ITGAV: variants seen among roughly 807,000 people sequenced by gnomAD.
ITGAV encodes integrin alpha-V.
In ITGAV, 76 loss-of-function variants were observed where a neutral mutation model predicts 143.8. That is an observed-to-expected ratio of 0.53 (90% CI 0.44 to 0.64). ITGAV has a LOEUF of 0.64. ITGAV is among the 30% of genes least tolerant of loss of function. The probability of loss-of-function intolerance (pLI) is 0.00; values close to 1 mark genes in which losing one functional copy is unlikely to be tolerated. For missense variants in ITGAV, 1,193 were observed against 1,274.7 expected, an observed-to-expected ratio of 0.94 and a Z score of 0.98; for synonymous variants, 453 against 446.7, an observed-to-expected ratio of 1.01 and a Z score of -0.18.
intron 1 of ITGAV, among the ~76,000 whole-genome samples, chr2:186,591,938 C>G (rs1686626595): frequency 6.6e-6 from 1 of 152,112 alleles, no homozygotes; most frequent in Non-Finnish European, 1.5e-5. Context: ...TCATTTTAGT[C>G]AGCATTATCT....
At chr2:186,628,494 C>A (rs779323343) in intron 4 of ITGAV, among the ~76,000 whole-genome samples, 1 of 151,962 alleles carries the variant, frequency 6.6e-6, no homozygotes, top group South Asian at 2.1e-4. Context: ...AGGAGAAGAG[C>A]ATAAAAAACA....
intron 23 of ITGAV, 153 bp from the exon 24 acceptor site, chr2:186,667,518 G>C (rs185062208): frequency 1.9e-6 from 1 of 521,528 alleles, no homozygotes; most frequent in East Asian, 2.9e-5. Context: ...AGCAGTTTTT[G>C]TGCATGTGTG....
intron 2 of ITGAV, among the ~76,000 whole-genome samples, chr2:186,604,655 C>T (rs901242490): frequency 4.6e-5 from 7 of 152,074 alleles, no homozygotes; most frequent in African/African-American, 1.4e-4. Context: ...TTTAAATCTT[C>T]GTCAGTTTTA....
rs184502195 is a variant in ITGAV at position 186,606,140 on chromosome 2, C to T, written c.316+3989C>T. Among the ~76,000 whole-genome samples, 69 of 152,266 alleles carry T rather than the reference C, an allele frequency of 4.5e-4. 1 individual carries two copies. The highest frequency in any genetic ancestry group is 3.4e-3 in the Middle Eastern group (1 of 292). On this transcript the variant is annotated intron_variant, in intron 2 of 29. Coordinates refer to ENST00000261023, the MANE Select transcript of ITGAV (RefSeq NM_002210.5). ...CAAGGAAGAAATGCTTATAGCTTATCGCATCCTGCTAAACTTTCTTTATGT... is the reference window on the plus strand; with the variant it reads ...CAAGGAAGAAATGCTTATAGCTTATTGCATCCTGCTAAACTTTCTTTATGT...
At chr2:186,620,480 C>T (rs1172757252) in intron 2 of ITGAV, among the ~76,000 whole-genome samples, 1 of 152,040 alleles carries the variant, frequency 6.6e-6, no homozygotes, top group Non-Finnish European at 1.5e-5. Context: ...ATAAGTATAT[C>T]AGCCAGGCAT....
intron 3 of ITGAV, among the ~76,000 whole-genome samples, chr2:186,623,133 C>T (rs920352909): frequency 3.3e-5 from 5 of 152,286 alleles, no homozygotes; most frequent in African/African-American, 1.2e-4. Flanking sequence ...CATTCCTCTG[C>T]TCCTCTTCTC....
intron 4 of ITGAV, among the ~76,000 whole-genome samples, chr2:186,626,876 T>C (rs528882199): frequency 4.6e-5 from 7 of 152,352 alleles, no homozygotes; most frequent in African/African-American, 1.7e-4. Flanking sequence ...GTTATGGTAC[T>C]GTCATCTTCG....
At position 186,665,116 on chromosome 2, in the gene ITGAV, T is replaced by C. The variant is rs747410573; in HGVS notation, c.2074-10T>C. 1.4e-6 allele frequency: 2 copies of C among 1,451,082 alleles called. No individual in the cohort carries two copies. Among genetic ancestry groups the C allele is most frequent in the South Asian group, 2.5e-5 (2 of 81,252 alleles). The allele number at this position is 1,451,082 out of a possible 1,614,324, so 89.9% of individuals were successfully genotyped here. On this transcript the variant is annotated splice_polypyrimidine_tract_variant and intron_variant, in intron 20 of 29. Transcript: ENST00000261023. ...TATCCATTTTTTTTTTTTTTTTTGG[T>C]CTATCAAAGGCCTTAGCAAGACTTT...
chr2:186,630,685 T>C (rs1687792875), intron 4 of ITGAV, 112 bp from the exon 5 acceptor site: 1 of 629,078 alleles, frequency 1.6e-6, no homozygotes, highest in South Asian at 2.2e-5. Flanking sequence ...GAATGACCAC[T>C]CTCAAAAATT....
intron 11 of ITGAV, 55 bp downstream of exon 11, chr2:186,641,022 T>C (rs1688088524): frequency 4.6e-6 from 6 of 1,292,982 alleles, no homozygotes; most frequent in South Asian, 1.3e-5. Flanking sequence ...TTACGAATAC[T>C]TTACTCAAAC....
chr2:186,604,457 G>T (rs1687001626), intron 2 of ITGAV, among the ~76,000 whole-genome samples: 1 of 152,132 alleles, frequency 6.6e-6, no homozygotes, highest in South Asian at 2.1e-4. Context: ...GAACACTGCT[G>T]TAGTGAAAAG....
Position 186,625,455 on chromosome 2 carries a change from C to G in ITGAV, c.409-18C>G. The G allele has an allele frequency of 6.4e-7, 1 of 1,559,920 alleles. No individual in the cohort carries two copies. The highest frequency in any genetic ancestry group is 8.8e-7 in the Non-Finnish European group (1 of 1,131,778). ...TTTTAGAAAATCTTCGTGTCGTGGA[C>G]TAAACCTTTGATTTTAGGCCTGTGC... On this transcript the variant is annotated intron_variant, in intron 3 of 29. Transcript: ENST00000261023.
chr2:186,649,883 CAGGTGAGCA>C lies in ITGAV; in HGVS notation c.1396_1397+7del. On this transcript the variant is annotated splice_donor_variant and splice_donor_5th_base_variant and coding_sequence_variant and intron_variant, in exon 14 of 30. Transcript: ENST00000261023. LOFTEE classifies it high-confidence loss of function. Reference sequence around the variant, plus strand: ...TTGGTGTAGATCGAGCTATCTTATACAGGTGAGCATTTTCTGTATCCTGCGGTATAGGAA... The same window carrying C: ...TTGGTGTAGATCGAGCTATCTTATACTTTTCTGTATCCTGCGGTATAGGAA... The C allele has an allele frequency of 7.1e-7, 1 of 1,404,476 alleles. No homozygotes were observed. The highest frequency in any genetic ancestry group is 9.3e-7 in the Non-Finnish European group (1 of 1,071,916). 87.0% of individuals were successfully genotyped at this position (1,404,476 alleles called of 1,614,324 possible).
chr2:186,657,011 CACACACACACACAG>C (rs762700547), intron 17 of ITGAV, among the ~76,000 whole-genome samples: 18 of 142,562 alleles, frequency 1.3e-4, no homozygotes, highest in East Asian at 1.3e-3. Flanking sequence ...CACACACACA[CACACACACACACAG>C]AAGCCACTAG....
At chr2:186,638,113 T>G (rs1687996591) in intron 8 of ITGAV, among the ~76,000 whole-genome samples, 164 bp from the exon 9 acceptor site, 1 of 152,230 alleles carries the variant, frequency 6.6e-6, no homozygotes, top group Non-Finnish European at 1.5e-5. Context: ...TTTTATAGTT[T>G]AAAAATGCTG....
intron 19 of ITGAV, 85 bp downstream of exon 19, chr2:186,663,920 C>T (rs572356647): frequency 5.6e-6 from 5 of 885,824 alleles, no homozygotes; most frequent in South Asian, 2.9e-5. Flanking sequence ...CATATTTTAA[C>T]GAGAATTAGT....
chr2:186,667,557 TTTAAAA>T (rs1314004375), intron 23 of ITGAV, 108 bp from the exon 24 acceptor site: 2 of 546,484 alleles, frequency 3.7e-6, no homozygotes, highest in Non-Finnish European at 6.3e-6. Context: ...TAAAGTATTT[TTTAAAA>T]TTAAATCTAA....
chr2:186,676,065 C>T (rs1689200569), intron 28 of ITGAV, 138 bp downstream of exon 28: 3 of 611,102 alleles, frequency 4.9e-6, no homozygotes, highest in Non-Finnish European at 5.8e-6. Context: ...AGCATTATAA[C>T]CTAGTTTAAT....
At chr2:186,601,815 T>A (rs1325598277) in intron 1 of ITGAV, among the ~76,000 whole-genome samples, 1 of 152,182 alleles carries the variant, frequency 6.6e-6, no homozygotes, top group Non-Finnish European at 1.5e-5. Context: ...CTTATAAAGT[T>A]ATCAGGAAAA....
Sources: gnomAD v4.1 joint callset for allele counts (sites outside exome capture counted in the v4.1 genomes callset) on GRCh38, gnomAD v4.1.1 for gene constraint, MANE v1.5 for transcripts, NCBI Gene and HGNC (gene_info 2026-07-23, HGNC 2026-07-21) for gene names.